The following KLF17 variants were observed in gnomAD, a reference collection of about 807,000 sequenced individuals.
KLF17 encodes the protein KLF transcription factor 17, also known as Krueppel-like factor 17.
Under a neutral mutation model 34.2 loss-of-function variants are expected in KLF17, and 31 were observed. The ratio of observed to expected loss-of-function variants is 0.91; its 90% CI spans 0.68 to 1.22. KLF17 has a LOEUF of 1.22. KLF17 is among the 50% of genes most tolerant of loss of function. The pLI is 0.00. For synonymous variants in KLF17, 179 were observed against 186.7 expected (o/e 0.96, Z 0.34); for missense variants, 478 against 505.2 (o/e 0.95, Z 0.52).
At chr1:44,114,567 G>A (rs2087863281), upstream of KLF17, 1 of 152,264 alleles carries the variant, frequency 6.6e-6, no homozygotes, top group Non-Finnish European at 1.5e-5. Flanking sequence ...AAAGGGGGAA[G>A]AGCATTCCAG....
the KLF17 span, chr1:44,048,205 C>T: frequency 2.0e-5 from 3 of 152,142 alleles, no homozygotes; most frequent in Non-Finnish European, 2.9e-5. Context: ...AGGAACTTTC[C>T]GATTCTTTTG....
the KLF17 span, among the ~76,000 whole-genome samples, chr1:44,101,231 A>T: frequency 6.7e-6 from 1 of 148,792 alleles, no homozygotes; most frequent in Non-Finnish European, 1.5e-5. Context: ...AGATTTCCTA[A>T]AAACAAGGCC....
the KLF17 span, among the ~76,000 whole-genome samples, chr1:44,096,404 C>CTT: frequency 3.5e-4 from 50 of 144,386 alleles, no homozygotes; most frequent in Middle Eastern, 3.5e-3. Flanking sequence ...ATTTATTTTT[C>CTT]TTTTTTTTTT....
the KLF17 span, among the ~76,000 whole-genome samples, chr1:44,055,198 G>T: frequency 1.3e-5 from 2 of 152,144 alleles, no homozygotes; most frequent in African/African-American, 4.8e-5. Context: ...GGGGCCTGCG[G>T]TCCTCTACAA....
At chr1:44,110,352 T>A in the KLF17 span, 2 of 152,236 alleles carry the variant, frequency 1.3e-5, no homozygotes, top group African/African-American at 2.4e-5. Context: ...TAATTAGAAA[T>A]TATCCAGATA....
chr1:44,130,707 C>T lies in KLF17; in HGVS notation c.1121C>T (p.Ala374Val). 5 of 1,613,872 alleles carry T rather than the reference C, an allele frequency of 3.1e-6. No homozygotes were observed. Among genetic ancestry groups the T allele is most frequent in the Non-Finnish European group, 4.2e-6 (5 of 1,179,896 alleles). Residue 374 changes from alanine to valine, a missense_variant, in exon 3 of 4, where the codon GCC becomes GTC. Coordinates refer to ENST00000372299, the MANE Select transcript of KLF17 (RefSeq NM_173484.4). ...THRPGPSDPQ[A>V]NNNNGEQDSP... ...CGGCCGGGACCCTCAGACCCACAGG[C>T]CAACAACAACAATGGAGAGCAGGAC... is the stretch of plus-strand genomic sequence containing the variant.
chr1:44,070,711 C>T, the KLF17 span, among the ~76,000 whole-genome samples: 1 of 150,888 alleles, frequency 6.6e-6, no homozygotes, highest in African/African-American at 2.4e-5. Flanking sequence ...CTCCCACCTC[C>T]CTTGTCTTTA....
the KLF17 span, chr1:44,076,647 CTA>C: frequency 1.3e-5 from 2 of 151,672 alleles, no homozygotes; most frequent in Non-Finnish European, 2.9e-5. Context: ...CTAACTTTTC[CTA>C]TGTTTATTGG....
chr1:44,106,304 C>T, the KLF17 span, among the ~76,000 whole-genome samples: 6 of 152,156 alleles, frequency 3.9e-5, no homozygotes, highest in African/African-American at 1.2e-4. Flanking sequence ...CTTTCCCAAC[C>T]CCATCTGCAT....
the KLF17 span, among the ~76,000 whole-genome samples, chr1:44,067,412 A>C: frequency 6.6e-6 from 1 of 152,210 alleles, no homozygotes; most frequent in Non-Finnish European, 1.5e-5. Flanking sequence ...GAGTGACATA[A>C]GGAAGGCTCT....
the KLF17 span, among the ~76,000 whole-genome samples, chr1:44,050,787 T>C: frequency 6.6e-6 from 1 of 152,130 alleles, no homozygotes; most frequent in Admixed American, 6.5e-5. Flanking sequence ...CGTGGTGGTG[T>C]GCACCTGTAA....
At chr1:44,127,736 TTTTCTTTCTTCTCTTTTC>T (rs1557732161) in intron 1 of KLF17, among the ~76,000 whole-genome samples, 1 of 134,582 alleles carries the variant, frequency 7.4e-6, no homozygotes, top group African/African-American at 3.0e-5. Context: ...CTTTCTTCTC[TTTTCTTTCTTCTCTTTTC>T]TTTCTTTCTT....
At chr1:44,119,644 A>ACTCT (rs532409326) in intron 1 of KLF17, among the ~76,000 whole-genome samples, 7 of 152,058 alleles carry the variant, frequency 4.6e-5, no homozygotes, top group East Asian at 1.9e-4. Context: ...GACAGCTGAG[A>ACTCT]CTCTGTTCTG....
At chr1:44,096,621 C>T in the KLF17 span, among the ~76,000 whole-genome samples, 15 of 151,950 alleles carry the variant, frequency 9.9e-5, no homozygotes, top group East Asian at 3.9e-4. Flanking sequence ...AGGAATGTCT[C>T]GATCTCGTGA....
chr1:44,067,664 G>A, the KLF17 span, among the ~76,000 whole-genome samples: 1 of 152,336 alleles, frequency 6.6e-6, no homozygotes, highest in East Asian at 1.9e-4. Context: ...CAGAGAGGGT[G>A]CAGAACTTCC....
chr1:44,109,682 G>A, the KLF17 span, among the ~76,000 whole-genome samples: 1 of 152,050 alleles, frequency 6.6e-6, no homozygotes, highest in African/African-American at 2.4e-5. Flanking sequence ...CTCTGCCTCT[G>A]TTGGTCCCAG....
the KLF17 span, among the ~76,000 whole-genome samples, chr1:44,107,356 C>T: frequency 1.3e-5 from 2 of 152,234 alleles, no homozygotes; most frequent in East Asian, 1.9e-4. Flanking sequence ...CCACCCGCCT[C>T]GGCTTCCCAA....
rs1415025608 is a variant in KLF17 at position 44,129,831 on chromosome 1, C to T, written c.560C>T (p.Ser187Phe). The change falls in exon 2 of 4, where the codon TCT becomes TTT. Residue 187 changes from serine (S) to phenylalanine (F), a missense_variant. Ser to Phe is a radical substitution (Grantham distance 155, BLOSUM62 -2). Transcript: ENST00000372299. ...VPYPGLSTVPSDETLLGPTVP... is the reference protein window; with the variant it reads ...VPYPGLSTVPFDETLLGPTVP... ...TACCCTGGCCTCTCGACAGTACCTT[C>T]TGACGAAACATTGTTGGGCCCGACT... The T allele has an allele frequency of 6.2e-7, 1 of 1,614,214 alleles. No homozygotes were observed. Among genetic ancestry groups the T allele is most frequent in the Non-Finnish European group, 8.5e-7 (1 of 1,180,044 alleles).
chr1:44,090,216 C>A, the KLF17 span, among the ~76,000 whole-genome samples: 4 of 143,178 alleles, frequency 2.8e-5, no homozygotes, highest in African/African-American at 1.0e-4. Flanking sequence ...AATCTGCTGG[C>A]CAGGTGCTGC....
Sources: allele counts gnomAD v4.1 joint callset (sites outside exome capture counted in the v4.1 genomes callset), GRCh38; gene constraint gnomAD v4.1.1; transcripts MANE v1.5; gene names NCBI Gene and HGNC (gene_info 2026-07-23, HGNC 2026-07-21).